CFAP44: variants seen among roughly 807,000 people sequenced by gnomAD.
The protein encoded by CFAP44 is cilia- and flagella-associated protein 44.
In CFAP44, 134 loss-of-function variants were observed where a neutral mutation model predicts 216.2. The ratio of observed to expected loss-of-function variants is 0.62; its 90% CI spans 0.54 to 0.72. The LOEUF (loss-of-function observed/expected upper bound fraction) is 0.72. Ranked by LOEUF, CFAP44 falls within the 30% of genes least tolerant of loss-of-function variation. CFAP44 has a pLI of 0.00. For missense variants in CFAP44, 2,035 were observed against 2,182.1 expected, an observed-to-expected ratio of 0.93 and a Z score of 1.34; for synonymous variants, 700 against 727.6, an observed-to-expected ratio of 0.96 and a Z score of 0.61.
intron 28 of CFAP44, among the ~76,000 whole-genome samples, chr3:113,320,635 A>G (rs1950137604): frequency 6.6e-6 from 1 of 151,536 alleles, no homozygotes; most frequent in South Asian, 2.1e-4. Context: ...GTGTTAAGTC[A>G]CATGATCACA....
At chr3:113,375,984 G>A (rs901221314) in intron 17 of CFAP44, among the ~76,000 whole-genome samples, 8 of 151,770 alleles carry the variant, frequency 5.3e-5, no homozygotes, top group South Asian at 2.1e-4. Context: ...GAATGAGTGC[G>A]ACAAATAGAA....
At chr3:113,406,895 T>C (rs966451828) in intron 8 of CFAP44, 32 bp downstream of exon 8, 4 of 1,535,196 alleles carry the variant, frequency 2.6e-6, no homozygotes, top group Non-Finnish European at 1.8e-6. Context: ...GAAAACACAA[T>C]TTTAATATTG....
chr3:113,345,573 C>T (rs1430201049), intron 22 of CFAP44, among the ~76,000 whole-genome samples: 4 of 152,244 alleles, frequency 2.6e-5, no homozygotes, highest in East Asian at 1.9e-4. Context: ...TATCAGATTC[C>T]CCTATTTGCC....
intron 18 of CFAP44, among the ~76,000 whole-genome samples, chr3:113,369,054 G>A (rs1205905016): frequency 6.6e-6 from 1 of 152,178 alleles, no homozygotes; most frequent in East Asian, 1.9e-4. Flanking sequence ...AAATATATAT[G>A]CACTCAATAC....
chr3:113,376,505 C>T (rs1933348680), intron 17 of CFAP44, among the ~76,000 whole-genome samples: 1 of 152,206 alleles, frequency 6.6e-6, no homozygotes, highest in African/African-American at 2.4e-5. Flanking sequence ...TTGTTCTGCA[C>T]ATGAGAAGCC....
At chr3:113,346,561 G>A (rs7621039) in intron 22 of CFAP44, among the ~76,000 whole-genome samples, 9,453 of 149,640 alleles carry the variant, frequency 0.063, 576 homozygotes, top group African/African-American at 0.16. Flanking sequence ...CTGTAAAAAC[G>A]CACCAATCAG....
rs1306449121 is a variant in CFAP44 at position 113,428,247 on chromosome 3, A to G, written c.101-908T>C. Among the ~76,000 whole-genome samples the G allele has an allele frequency of 2.6e-5, 4 of 152,348 alleles. No homozygotes were observed. In the East Asian group the frequency reaches 5.8e-4, roughly 22 times the overall value. ...CCTCATTTCAAGATTAGGGCACTACAAGTGTAACACTCCTAACTGCTGGGT... is the reference window on the plus strand; with the variant it reads ...CCTCATTTCAAGATTAGGGCACTACGAGTGTAACACTCCTAACTGCTGGGT... On this transcript the variant is annotated intron_variant, in intron 2 of 34. Coordinates refer to ENST00000393845, the MANE Select transcript of CFAP44 (RefSeq NM_001164496.2).
In CFAP44 at chr3:113,426,116, G is replaced by T. The variant is rs745677213; in HGVS notation, c.407+8C>A. On this transcript the variant is annotated splice_region_variant and intron_variant, in intron 4 of 34. Transcript: ENST00000393845. ...CCAAAATTATACATATTTAGCCAGG[G>T]TGGATACACAAGTGTGAGAAGATCC... 6 of 1,613,096 alleles carry T rather than the reference G, an allele frequency of 3.7e-6. No individual in the cohort carries two copies. The highest frequency in any genetic ancestry group is 5.1e-6 in the Non-Finnish European group (6 of 1,179,556).
Position 113,416,556 on chromosome 3 carries a change from A to C in CFAP44, c.642T>G (p.Tyr214Ter). Residue 214 changes from tyrosine (Y) to a stop codon, truncating the protein, a stop_gained, in exon 6 of 35, where the codon TAT (tyrosine) becomes TAG (stop). Coordinates refer to ENST00000393845, the MANE Select transcript of CFAP44 (RefSeq NM_001164496.2). LOFTEE classifies it high-confidence loss of function. ...GSFPDIIIYE[Y>*]PSLRPYRVLR... ...GGACTCTGTATGGTCTCAGAGAAGG[A>C]TATTCATAGATGATAATATCTGGAA... The C allele has an allele frequency of 6.2e-7, 1 of 1,612,232 alleles. No homozygotes were observed. The highest frequency in any genetic ancestry group is 8.5e-7 in the Non-Finnish European group (1 of 1,178,694).
chr3:113,333,480 C>G lies in CFAP44; in HGVS notation c.3541G>C (p.Asp1181His). 4 of 1,537,080 alleles carry G rather than the reference C, an allele frequency of 2.6e-6. No homozygotes were observed. The highest frequency in any genetic ancestry group is 1.7e-4 in the Middle Eastern group (1 of 5,984). ...MGDFNLKTAPDYKIPEHMRIN... is the reference protein window; with the variant it reads ...MGDFNLKTAPHYKIPEHMRIN... ...CTCATGTGCTCAGGTATCTTGTAGTCTGGGGCTGTCTTCAGATTGAAATCT... is the reference window on the plus strand; with the variant it reads ...CTCATGTGCTCAGGTATCTTGTAGTGTGGGGCTGTCTTCAGATTGAAATCT... Residue 1181 changes from aspartate to histidine, a missense_variant, in exon 25 of 35, where the codon GAC becomes CAC. Physicochemically the swap from Asp to His is moderately conservative, Grantham distance 81. Coordinates refer to ENST00000393845, the MANE Select transcript of CFAP44 (RefSeq NM_001164496.2).
intron 26 of CFAP44, among the ~76,000 whole-genome samples, chr3:113,328,913 C>T (rs1950217192): frequency 6.6e-6 from 1 of 152,058 alleles, no homozygotes. Context: ...AGCCTATAAG[C>T]TTTGTGAAGA....
Position 113,377,745 on chromosome 3 carries a change from C to T in CFAP44, c.2298+1561G>A, listed in dbSNP as rs148383364. Among the ~76,000 whole-genome samples, 595 of 152,194 alleles carry T rather than the reference C, an allele frequency of 3.9e-3. 3 individuals are homozygous for T. Among genetic ancestry groups the T allele is most frequent in the Non-Finnish European group, 6.6e-3 (450 of 68,006 alleles). ...TCGGCTCACTGCAACCTTCACCTCC[C>T]GGGTTCAAGCAATTCCCCTGCCTTG... On this transcript the variant is annotated intron_variant, in intron 17 of 34. Transcript: ENST00000393845.
chr3:113,289,227 A>T lies in CFAP44; in HGVS notation c.*2330T>A, dbSNP rs560446147. The T allele has an allele frequency of 1.0e-4, 16 of 152,392 alleles. No homozygotes were observed. Among genetic ancestry groups the T allele is most frequent in the African/African-American group, 3.8e-4 (16 of 41,600 alleles). The allele number at this position is 152,392 out of a possible 1,614,324, so 9.4% of individuals were successfully genotyped here. A position where few individuals can be genotyped will look rare whatever the true frequency, so the allele number is the denominator to read the frequency against. The stretch of plus-strand genomic sequence containing the variant: ...CAACATATTTTGTCCAATTCAAAAT[A>T]AAGTAATTCAGTGTTAACTGTCGTC... On this transcript the variant is annotated 3_prime_UTR_variant, in exon 35 of 35. Coordinates refer to ENST00000393845, the MANE Select transcript of CFAP44 (RefSeq NM_001164496.2).
intron 29 of CFAP44, among the ~76,000 whole-genome samples, chr3:113,306,926 T>C (rs1181422936): frequency 1.3e-5 from 2 of 152,240 alleles, no homozygotes; most frequent in Non-Finnish European, 2.9e-5. Flanking sequence ...CACTCATAAA[T>C]ATTATGATTT....
chr3:113,440,140 C>T (rs1327117389), intron 1 of CFAP44, among the ~76,000 whole-genome samples: 3 of 152,064 alleles, frequency 2.0e-5, no homozygotes, highest in Non-Finnish European at 4.4e-5. Flanking sequence ...CTCAGCTCAC[C>T]GCAAACTCCA....
intron 15 of CFAP44, among the ~76,000 whole-genome samples, chr3:113,385,832 C>T (rs1933636649): frequency 6.7e-6 from 1 of 150,042 alleles, no homozygotes; most frequent in South Asian, 2.1e-4. Flanking sequence ...TTGGTAGAGA[C>T]AGGGTTTCAC....
chr3:113,310,053 C>T (rs1950023622), intron 28 of CFAP44, among the ~76,000 whole-genome samples: 1 of 152,214 alleles, frequency 6.6e-6, no homozygotes, highest in Non-Finnish European at 1.5e-5. Context: ...GGCTAGACAT[C>T]CACCCTCACA....
chr3:113,407,996 T>C (rs989432899), intron 7 of CFAP44, among the ~76,000 whole-genome samples: 2 of 152,148 alleles, frequency 1.3e-5, no homozygotes, highest in East Asian at 1.9e-4. Context: ...TCAGAAAATA[T>C]AAGAAATTGG....
intron 8 of CFAP44, among the ~76,000 whole-genome samples, chr3:113,405,869 G>A (rs908210519): frequency 3.9e-5 from 6 of 152,104 alleles, no homozygotes; most frequent in Non-Finnish European, 8.8e-5. Context: ...ATCATCTCAT[G>A]GATTTAGACA....
Sources: gnomAD v4.1 joint callset for allele counts (sites outside exome capture counted in the v4.1 genomes callset) on GRCh38, gnomAD v4.1.1 for gene constraint, MANE v1.5 for transcripts, NCBI Gene and HGNC (gene_info 2026-07-23, HGNC 2026-07-21) for gene names.